The following NEK7 variants were observed in gnomAD, a reference collection of about 807,000 sequenced individuals.
NEK7 encodes the protein NIMA related kinase 7, also known as serine/threonine-protein kinase Nek7.
Under a neutral mutation model 44.6 loss-of-function variants are expected in NEK7, and 18 were observed. That is an observed-to-expected ratio of 0.40 (90% confidence interval 0.28 to 0.60). The LOEUF is 0.60. NEK7 is among the 20% of genes least tolerant of loss of function. The probability of loss-of-function intolerance (pLI) is 0.38; values close to 1 mark genes in which losing one functional copy is unlikely to be tolerated. For missense variants in NEK7, 256 were observed against 366.5 expected, an observed-to-expected ratio of 0.70 and a Z score of 2.46; for synonymous variants, 130 against 121.1, an observed-to-expected ratio of 1.07 and a Z score of -0.48.
chr1:198,217,262 C>G (rs1558061102), intron 1 of NEK7, among the ~76,000 whole-genome samples: 1 of 151,768 alleles, frequency 6.6e-6, no homozygotes, highest in Non-Finnish European at 1.5e-5. Flanking sequence ...TCACCATGAT[C>G]AAGTGGGTTG....
At chr1:198,240,630 G>C (rs111804261) in intron 2 of NEK7, among the ~76,000 whole-genome samples, 2,658 of 149,348 alleles carry the variant, frequency 0.018, 30 homozygotes, top group Non-Finnish European at 0.024. Context: ...TTTGAATAAA[G>C]TACATAGTCT....
chr1:198,235,598 T>C (rs1042198853), intron 2 of NEK7, among the ~76,000 whole-genome samples: 1 of 152,230 alleles, frequency 6.6e-6, no homozygotes, highest in African/African-American at 2.4e-5. Context: ...ACTGTAAGAC[T>C]AATTTTAAAC....
chr1:198,196,266 A>G (rs1017518604), intron 1 of NEK7, among the ~76,000 whole-genome samples: 2 of 152,222 alleles, frequency 1.3e-5, no homozygotes, highest in African/African-American at 4.8e-5. Context: ...TGCAGCAACC[A>G]AGTAAAAGAT....
chr1:198,284,119 A>G (rs529116250), intron 7 of NEK7, among the ~76,000 whole-genome samples: 1 of 152,226 alleles, frequency 6.6e-6, no homozygotes, highest in South Asian at 2.1e-4. Flanking sequence ...ACTCTCTAAA[A>G]TCCTTACACA....
At chr1:198,213,645 A>G (rs1463168446) in intron 1 of NEK7, among the ~76,000 whole-genome samples, 1 of 152,126 alleles carries the variant, frequency 6.6e-6, no homozygotes, top group African/African-American at 2.4e-5. Context: ...TCTGATCTCA[A>G]TAGCCAGAAT....
intron 1 of NEK7, chr1:198,208,723 C>T (rs528748513): frequency 3.6e-4 from 54 of 152,036 alleles, no homozygotes; most frequent in African/African-American, 1.2e-3. Flanking sequence ...AATTTGATGC[C>T]GTGAGAAGGC....
intron 1 of NEK7, among the ~76,000 whole-genome samples, chr1:198,229,450 G>C (rs954507336): frequency 6.6e-6 from 1 of 152,196 alleles, no homozygotes; most frequent in African/African-American, 2.4e-5. Flanking sequence ...CCAACTTGAC[G>C]TGGGTTGGTC....
chr1:198,163,298 G>A (rs757523774), intron 1 of NEK7, among the ~76,000 whole-genome samples: 2 of 152,002 alleles, frequency 1.3e-5, no homozygotes, highest in Non-Finnish European at 2.9e-5. Flanking sequence ...TTCAAGACCA[G>A]CCTGATCAAT....
intron 9 of NEK7, among the ~76,000 whole-genome samples, chr1:198,297,600 T>G (rs1320106833): frequency 2.0e-5 from 3 of 152,342 alleles, no homozygotes; most frequent in African/African-American, 4.8e-5. Flanking sequence ...GGCTAACTCC[T>G]TATTCTCACA....
Position 198,319,620 on chromosome 1 carries a change from G to T in NEK7, c.*98G>T. On this transcript the variant is annotated 3_prime_UTR_variant, in exon 10 of 10. Coordinates refer to ENST00000367385, the MANE Select transcript of NEK7 (RefSeq NM_133494.3). ...GTCTGGTGTTAAGATTAATATTTCAGAGCTAGTGTGCTTTGAATCCTTAAC... is the reference window on the plus strand; with the variant it reads ...GTCTGGTGTTAAGATTAATATTTCATAGCTAGTGTGCTTTGAATCCTTAAC... 2 of 1,341,698 alleles carry T rather than the reference G, an allele frequency of 1.5e-6. No homozygotes were observed. Among genetic ancestry groups the T allele is most frequent in the Non-Finnish European group, 1.9e-6 (2 of 1,032,970 alleles). The allele number at this position is 1,341,698 out of a possible 1,614,324, so 83.1% of individuals were successfully genotyped here.
At chr1:198,214,459 T>C (rs1017422880) in intron 1 of NEK7, among the ~76,000 whole-genome samples, 6 of 152,158 alleles carry the variant, frequency 3.9e-5, no homozygotes, top group Non-Finnish European at 8.8e-5. Context: ...AAAAATGTTC[T>C]AAAGAGATGG....
At chr1:198,187,592 C>T (rs1206397213) in intron 1 of NEK7, among the ~76,000 whole-genome samples, 1 of 152,050 alleles carries the variant, frequency 6.6e-6, no homozygotes, top group South Asian at 2.1e-4. Flanking sequence ...GATGGCATAC[C>T]AGGTGTCATT....
intron 9 of NEK7, among the ~76,000 whole-genome samples, chr1:198,312,595 TAC>T (rs1425731129): frequency 6.6e-6 from 1 of 152,002 alleles, no homozygotes; most frequent in Non-Finnish European, 1.5e-5. Flanking sequence ...AATTGCCCTC[TAC>T]ACACTGCTTT....
At chr1:198,282,862 C>G (rs1654250239) in intron 7 of NEK7, among the ~76,000 whole-genome samples, 1 of 152,000 alleles carries the variant, frequency 6.6e-6, no homozygotes, top group Non-Finnish European at 1.5e-5. Flanking sequence ...CAAGACAAGT[C>G]CATGTCCTCA....
intron 2 of NEK7, among the ~76,000 whole-genome samples, chr1:198,241,672 T>C (rs1666688300): frequency 6.6e-6 from 1 of 152,208 alleles, no homozygotes; most frequent in Non-Finnish European, 1.5e-5. Context: ...TGAAGTCATA[T>C]TGGCTGGGAT....
chr1:198,168,742 C>A (rs1664341815), intron 1 of NEK7, among the ~76,000 whole-genome samples: 1 of 151,614 alleles, frequency 6.6e-6, no homozygotes, highest in Admixed American at 6.6e-5. Context: ...AATCCACAGA[C>A]CAAAGAAAGA....
intron 2 of NEK7, among the ~76,000 whole-genome samples, chr1:198,247,738 T>C (rs6675838): frequency 0.2 from 30,158 of 151,780 alleles, 3,581 homozygotes; most frequent in African/African-American, 0.32. Flanking sequence ...AGAGAAAACA[T>C]TGGGTTTGAA....
intron 1 of NEK7, among the ~76,000 whole-genome samples, chr1:198,218,158 G>A (rs565287489): frequency 6.6e-6 from 1 of 152,148 alleles, no homozygotes; most frequent in African/African-American, 2.4e-5. Flanking sequence ...TACATTACCT[G>A]ACTTCAAATC....
intron 2 of NEK7, among the ~76,000 whole-genome samples, chr1:198,237,896 G>A (rs1423962018): frequency 6.6e-6 from 1 of 152,102 alleles, no homozygotes; most frequent in African/African-American, 2.4e-5. Context: ...TCCATAGAAT[G>A]TATCACCTTA....
Sources: gnomAD v4.1 joint callset for allele counts (sites outside exome capture counted in the v4.1 genomes callset) on GRCh38, gnomAD v4.1.1 for gene constraint, MANE v1.5 for transcripts, NCBI Gene and HGNC (gene_info 2026-07-23, HGNC 2026-07-21) for gene names.